The following PIK3CB variants were observed in gnomAD, a reference collection of about 807,000 sequenced individuals.
PIK3CB encodes the protein phosphatidylinositol 4,5-bisphosphate 3-kinase catalytic subunit beta isoform.
Under a neutral mutation model 136.8 loss-of-function variants are expected in PIK3CB, and 39 were observed. The ratio of observed to expected loss-of-function variants is 0.29; its 90% CI spans 0.22 to 0.37. PIK3CB has a LOEUF of 0.37. Ranked by LOEUF, PIK3CB falls within the 10% of genes least tolerant of loss-of-function variation. The pLI, the probability that PIK3CB is intolerant of heterozygous loss-of-function variation, is 1.00. For missense variants in PIK3CB, 868 were observed against 1,275.4 expected, an observed-to-expected ratio of 0.68 and a Z score of 4.87; for synonymous variants, 428 against 436.6, an observed-to-expected ratio of 0.98 and a Z score of 0.25.
chr3:138,747,081 T>C (rs1167990569), intron 4 of PIK3CB, among the ~76,000 whole-genome samples: 7 of 73,296 alleles, frequency 9.6e-5, no homozygotes, highest in Admixed American at 7.9e-4. Flanking sequence ...TATATATATA[T>C]ATATATATAT....
At chr3:138,695,516 T>C (rs1383365946) in intron 13 of PIK3CB, among the ~76,000 whole-genome samples, 2 of 152,152 alleles carry the variant, frequency 1.3e-5, no homozygotes, top group Non-Finnish European at 2.9e-5. Context: ...ATTCAATCTA[T>C]AATTATGGCA....
intron 8 of PIK3CB, among the ~76,000 whole-genome samples, chr3:138,715,073 T>C (rs917194615): frequency 2.6e-5 from 4 of 152,210 alleles, no homozygotes; most frequent in Admixed American, 2.0e-4. Flanking sequence ...ATCATATGCT[T>C]ACTCACTGAC....
chr3:138,693,966 T>TAATATA (rs1457395869), intron 14 of PIK3CB, among the ~76,000 whole-genome samples: 1 of 42,406 alleles, frequency 2.4e-5, no homozygotes. Flanking sequence ...TATATATATA[T>TAATATA]TATATATATA....
At chr3:138,677,853 C>T (rs1041773439) in intron 19 of PIK3CB, among the ~76,000 whole-genome samples, 19 of 152,102 alleles carry the variant, frequency 1.2e-4, no homozygotes, top group African/African-American at 4.6e-4. Context: ...TGAGATCGTG[C>T]CATTGCACTC....
intron 2 of PIK3CB, among the ~76,000 whole-genome samples, chr3:138,761,157 A>G (rs977710344): frequency 2.6e-5 from 4 of 152,240 alleles, no homozygotes; most frequent in Non-Finnish European, 5.9e-5. Flanking sequence ...TGGGACTATC[A>G]GACATTATGT....
chr3:138,810,002 G>A (rs576732975), intron 1 of PIK3CB, among the ~76,000 whole-genome samples: 21 of 152,134 alleles, frequency 1.4e-4, no homozygotes, highest in African/African-American at 5.1e-4. Context: ...AACTAAAAAA[G>A]TGTTCAAACA....
chr3:138,825,235 A>G (rs577877746), intron 1 of PIK3CB: 20 of 353,618 alleles, frequency 5.7e-5, no homozygotes, highest in Non-Finnish European at 8.5e-5. Flanking sequence ...GAAGACAGAG[A>G]CTTTATCAAT....
At chr3:138,717,587 T>C (rs1056453232) in intron 8 of PIK3CB, among the ~76,000 whole-genome samples, 8 of 152,164 alleles carry the variant, frequency 5.3e-5, no homozygotes, top group East Asian at 1.9e-4. Context: ...GTTCGTTACA[T>C]AGGTAAGCTG....
At chr3:138,746,280 G>A (rs1211205773) in intron 4 of PIK3CB, among the ~76,000 whole-genome samples, 1 of 152,098 alleles carries the variant, frequency 6.6e-6, no homozygotes, top group Non-Finnish European at 1.5e-5. Context: ...TTTTCTTAAT[G>A]GCATCTGGGA....
chr3:138,733,809 C>T (rs965571973), intron 7 of PIK3CB, among the ~76,000 whole-genome samples: 15 of 151,984 alleles, frequency 9.9e-5, no homozygotes, highest in African/African-American at 3.4e-4. Context: ...ACCCGGGAGG[C>T]GGAGCTTGCA....
intron 2 of PIK3CB, among the ~76,000 whole-genome samples, chr3:138,792,981 A>G (rs916392458): frequency 5.9e-5 from 9 of 152,146 alleles, no homozygotes; most frequent in Non-Finnish European, 1.5e-5. Context: ...TTAATAATGT[A>G]GGGATTGAGG....
At chr3:138,692,081 AT>A (rs1434204116) in intron 14 of PIK3CB, among the ~76,000 whole-genome samples, 3 of 152,212 alleles carry the variant, frequency 2.0e-5, no homozygotes, top group Admixed American at 1.3e-4. Flanking sequence ...AGCTCAATTA[AT>A]TAAGGTTAGT....
intron 12 of PIK3CB, among the ~76,000 whole-genome samples, chr3:138,702,146 A>AT (rs1321216541): frequency 1.3e-5 from 2 of 149,988 alleles, no homozygotes; most frequent in Admixed American, 1.3e-4. Context: ...TTACTCTGTC[A>AT]TAACAGCCTC....
chr3:138,700,177 G>A (rs1322813922), intron 12 of PIK3CB, among the ~76,000 whole-genome samples: 4 of 152,118 alleles, frequency 2.6e-5, no homozygotes, highest in South Asian at 2.1e-4. Flanking sequence ...AGCCATGATC[G>A]TGTCACTGCA....
intron 4 of PIK3CB, among the ~76,000 whole-genome samples, chr3:138,750,022 C>T (rs2045437529): frequency 6.6e-6 from 1 of 152,066 alleles, no homozygotes; most frequent in African/African-American, 2.4e-5. Context: ...GGACTACAGG[C>T]ACACACCACC....
At chr3:138,796,413 A>T (rs1389792950) in intron 2 of PIK3CB, 50 bp downstream of exon 2, 1 of 149,690 alleles carries the variant, frequency 6.7e-6, no homozygotes, top group Non-Finnish European at 1.5e-5. Flanking sequence ...AAAAAGATTT[A>T]TACTCTAACC....
At chr3:138,798,694 T>A (rs962760738) in intron 1 of PIK3CB, among the ~76,000 whole-genome samples, 1 of 152,094 alleles carries the variant, frequency 6.6e-6, no homozygotes, top group Admixed American at 6.6e-5. Flanking sequence ...AGTAAATGAA[T>A]GAACCAAAAT....
At chr3:138,819,190 T>C (rs1311812899) in intron 1 of PIK3CB, among the ~76,000 whole-genome samples, 1 of 152,010 alleles carries the variant, frequency 6.6e-6, no homozygotes, top group Non-Finnish European at 1.5e-5. Flanking sequence ...CTACTAAAAA[T>C]ACAAAAACTA....
chr3:138,728,970 T>C (rs1175933246), intron 8 of PIK3CB, among the ~76,000 whole-genome samples: 3 of 151,984 alleles, frequency 2.0e-5, no homozygotes, highest in African/African-American at 7.3e-5. Context: ...ATGCTGTCCT[T>C]TAAGATAAAG....
Sources: gnomAD v4.1 joint callset for allele counts (sites outside exome capture counted in the v4.1 genomes callset) on GRCh38, gnomAD v4.1.1 for gene constraint, MANE v1.5 for transcripts, NCBI Gene and HGNC (gene_info 2026-07-23, HGNC 2026-07-21) for gene names.